The following MYO6 variants were observed in gnomAD, a reference collection of about 807,000 sequenced individuals.
MYO6 encodes unconventional myosin-VI.
Under a neutral mutation model 178.7 loss-of-function variants are expected in MYO6, and 74 were observed. That is an observed-to-expected ratio of 0.41 (90% CI 0.34 to 0.50). The LOEUF (loss-of-function observed/expected upper bound fraction) is 0.50. Among genes scored for constraint, MYO6 ranks in the 20% least tolerant of loss-of-function variants. The pLI, the probability that MYO6 is intolerant of heterozygous loss-of-function variation, is 0.09. For synonymous variants in MYO6, 477 were observed against 504.6 expected (o/e 0.95, Z 0.73); for missense variants, 1,330 against 1,547.4 (o/e 0.86, Z 2.36).
chr6:75,895,319 T>G, intron 29 of MYO6, 59 bp downstream of exon 29: 1 of 1,302,982 alleles, frequency 7.7e-7, no homozygotes, highest in Non-Finnish European at 1.1e-6. Context: ...TGGGAGTAGT[T>G]TTCTCATTGG....
intron 19 of MYO6, 52 bp from the exon 20 acceptor site, chr6:75,873,155 A>C (rs2149327562): frequency 7.1e-7 from 1 of 1,410,430 alleles, no homozygotes; most frequent in African/African-American, 1.4e-5. Flanking sequence ...ATAGAAACAG[A>C]AAACTAAGAA....
intron 20 of MYO6, among the ~76,000 whole-genome samples, chr6:75,878,323 T>C (rs1453410850): frequency 2.0e-5 from 3 of 152,322 alleles, no homozygotes; most frequent in Non-Finnish European, 1.5e-5. Context: ...TGGTTTTTTT[T>C]CTATTACCAA....
intron 1 of MYO6, among the ~76,000 whole-genome samples, chr6:75,801,885 G>C (rs1769495095): frequency 6.6e-6 from 1 of 151,662 alleles, no homozygotes; most frequent in Non-Finnish European, 1.5e-5. Context: ...AGGTTGCAGT[G>C]AGCTGAGATC....
At chr6:75,761,532 A>G (rs1186972958) in intron 1 of MYO6, among the ~76,000 whole-genome samples, 2 of 152,130 alleles carry the variant, frequency 1.3e-5, no homozygotes, top group Non-Finnish European at 2.9e-5. Flanking sequence ...ATTAGTAAAA[A>G]TGGAGATAGC....
intron 9 of MYO6, among the ~76,000 whole-genome samples, chr6:75,843,002 G>A (rs1353742121): frequency 5.3e-5 from 8 of 152,230 alleles, no homozygotes; most frequent in African/African-American, 1.7e-4. Context: ...TCCTTGTGAT[G>A]GTAAGAGGAA....
intron 12 of MYO6, 124 bp downstream of exon 12, chr6:75,855,407 T>A: frequency 1.1e-6 from 1 of 883,602 alleles, no homozygotes; most frequent in Non-Finnish European, 1.8e-6. Flanking sequence ...CTCAGTGTAG[T>A]AATCCACCAT....
chr6:75,778,439 C>A (rs910946183), intron 1 of MYO6, among the ~76,000 whole-genome samples: 2 of 151,280 alleles, frequency 1.3e-5, no homozygotes, highest in African/African-American at 4.9e-5. Flanking sequence ...CTAAAAAATA[C>A]AAAAAAAATT....
chr6:75,808,168 C>T (rs1282128556), intron 1 of MYO6, among the ~76,000 whole-genome samples: 1 of 152,200 alleles, frequency 6.6e-6, no homozygotes. Flanking sequence ...GTGTAGACTG[C>T]TCAGGCTGCC....
chr6:75,861,765 C>T (rs908825989), intron 15 of MYO6, among the ~76,000 whole-genome samples: 4 of 152,190 alleles, frequency 2.6e-5, no homozygotes, highest in East Asian at 1.9e-4. Context: ...AATAATACTA[C>T]TTTACATCAG....
At chr6:75,885,858 CTTTG>C in intron 23 of MYO6, 142 bp from the exon 24 acceptor site, 3 of 612,474 alleles carry the variant, frequency 4.9e-6, no homozygotes, top group Non-Finnish European at 8.7e-6. Flanking sequence ...GGTGTTAAAA[CTTTG>C]TTTTTGATGT....
At chr6:75,778,187 T>C (rs1443453951) in intron 1 of MYO6, among the ~76,000 whole-genome samples, 1 of 152,248 alleles carries the variant, frequency 6.6e-6, no homozygotes, top group African/African-American at 2.4e-5. Flanking sequence ...CTATATTTTA[T>C]GGTTTCTTAA....
At chr6:75,751,549 G>A (rs1006884988) in intron 1 of MYO6, among the ~76,000 whole-genome samples, 7 of 152,128 alleles carry the variant, frequency 4.6e-5, no homozygotes, top group East Asian at 1.9e-4. Flanking sequence ...ACAAAAGATC[G>A]TAAATCATAA....
intron 1 of MYO6, among the ~76,000 whole-genome samples, chr6:75,776,950 T>A (rs1766452482): frequency 6.6e-6 from 1 of 152,202 alleles, no homozygotes; most frequent in Non-Finnish European, 1.5e-5. Flanking sequence ...TTTAAAAAAT[T>A]ATTGCATGAC....
rs1462166985 is a variant in MYO6, at chr6:75,908,645, C to T, written c.3412+18C>T. On this transcript the variant is annotated intron_variant, in intron 32 of 34. Transcript: ENST00000369977. ...TGATTATGGTAAAGAGAAATCTGTACTTTTGAACGTTTTAAAATATATGTA... is the reference window on the plus strand; with the variant it reads ...TGATTATGGTAAAGAGAAATCTGTATTTTTGAACGTTTTAAAATATATGTA... 6.2e-7 allele frequency: 1 copy of T among 1,611,604 alleles called. No individual in the cohort carries two copies. The highest frequency in any genetic ancestry group is 2.2e-5 in the East Asian group (1 of 44,722).
At chr6:75,885,970 A>T (rs1778404598) in intron 23 of MYO6, 34 bp from the exon 24 acceptor site, 6 of 1,299,038 alleles carry the variant, frequency 4.6e-6, no homozygotes, top group Non-Finnish European at 5.5e-6. Flanking sequence ...AAACTGAATA[A>T]TTTTCTATCA....
chr6:75,867,893 G>A (rs1236524371), intron 18 of MYO6, among the ~76,000 whole-genome samples: 1 of 152,082 alleles, frequency 6.6e-6, no homozygotes, highest in South Asian at 2.1e-4. Context: ...TAAAATTTGT[G>A]AAGTTATGAG....
At position 75,911,704 on chromosome 6, in the gene MYO6, T is replaced by C. The variant is rs1456791988; in HGVS notation, c.3439+6T>C. The C allele has an allele frequency of 6.2e-7, 1 of 1,611,378 alleles. No homozygotes were observed. Among genetic ancestry groups the C allele is most frequent in the East Asian group, 2.2e-5 (1 of 44,750 alleles). ...ACCATTTTTGAACAATTCACGTAAG[T>C]CAATGGGTGGTAACTCATGAGCTAA... On this transcript the variant is annotated splice_donor_region_variant and intron_variant, in intron 33 of 34. Coordinates refer to ENST00000369977, the MANE Select transcript of MYO6 (RefSeq NM_004999.4).
chr6:75,753,987 A>T (rs555001675), intron 1 of MYO6, among the ~76,000 whole-genome samples: 201 of 152,348 alleles, frequency 1.3e-3, no homozygotes, highest in Non-Finnish European at 2.5e-3. Flanking sequence ...GTACTGAAGC[A>T]TAAAAAGTAA....
In MYO6 at chr6:75,828,701, A is replaced by T. The variant is rs532144470; in HGVS notation, c.261+88A>T. The T allele has an allele frequency of 6.5e-5, 57 of 872,918 alleles. 1 individual carries two copies. In the South Asian group the frequency reaches 6.8e-4, roughly 10 times the overall value. 54.1% of individuals were successfully genotyped at this position (872,918 alleles called of 1,614,324 possible). On this transcript the variant is annotated intron_variant, in intron 4 of 34. Coordinates refer to ENST00000369977, the MANE Select transcript of MYO6 (RefSeq NM_004999.4). ...ATTTTGTCACGCTTGAAATTGTCTA[A>T]CAGAAAATCATGCTTGATCTGAGCC... is the stretch of plus-strand genomic sequence containing the variant.
Sources: gnomAD v4.1 joint callset for allele counts (sites outside exome capture counted in the v4.1 genomes callset) on GRCh38, gnomAD v4.1.1 for gene constraint, MANE v1.5 for transcripts, NCBI Gene and HGNC (gene_info 2026-07-23, HGNC 2026-07-21) for gene names.